The following DTNBP1 variants were observed in gnomAD, a reference collection of about 807,000 sequenced individuals.
DTNBP1 encodes dysbindin.
DTNBP1 carries 35 observed loss-of-function variants against 42.8 expected under a neutral mutation model. The observed-to-expected ratio is 0.82, with a 90% CI of 0.63 to 1.09. The LOEUF (loss-of-function observed/expected upper bound fraction) is 1.09. Ranked by LOEUF, DTNBP1 falls within the 50% of genes least tolerant of loss-of-function variation. The pLI is 0.00. For synonymous variants in DTNBP1, 171 were observed against 162.2 expected, an observed-to-expected ratio of 1.05 and a Z score of -0.41; for missense variants, 457 against 424.2, an observed-to-expected ratio of 1.08 and a Z score of -0.68.
intron 8 of DTNBP1, among the ~76,000 whole-genome samples, chr6:15,527,369 T>C (rs1772480418): frequency 2.0e-5 from 3 of 152,240 alleles, no homozygotes; most frequent in African/African-American, 4.8e-5. Flanking sequence ...CAATGAAATT[T>C]AGTTAGAAAT....
At chr6:15,524,190 G>A (rs1359725066) in intron 9 of DTNBP1, 24 of 1,476,970 alleles carry the variant, frequency 1.6e-5, no homozygotes, top group East Asian at 5.7e-5. Context: ...AGGAGAGTCC[G>A]CACCTCCCTG....
intron 5 of DTNBP1, 135 bp downstream of exon 5, chr6:15,627,208 T>G: frequency 1.7e-6 from 2 of 1,152,066 alleles, no homozygotes; most frequent in Non-Finnish European, 2.5e-6. Flanking sequence ...AATCAAAATA[T>G]GAAATCATGA....
At chr6:15,531,746 G>A (rs1415538493) in intron 8 of DTNBP1, among the ~76,000 whole-genome samples, 1 of 152,158 alleles carries the variant, frequency 6.6e-6, no homozygotes, top group Admixed American at 6.5e-5. Flanking sequence ...TGATTCTCCT[G>A]CCTCAGCCTC....
chr6:15,547,065 CCTA>C (rs1773922720), intron 7 of DTNBP1, among the ~76,000 whole-genome samples: 1 of 151,464 alleles, frequency 6.6e-6, no homozygotes, highest in Non-Finnish European at 1.5e-5. Context: ...ATGGAATTGG[CCTA>C]CTTATTAACA....
chr6:15,573,000 G>A (rs956957190), intron 7 of DTNBP1, among the ~76,000 whole-genome samples: 2 of 152,224 alleles, frequency 1.3e-5, no homozygotes, highest in Middle Eastern at 6.8e-3. Context: ...CAAACATATG[G>A]GGATTACAGG....
At chr6:15,525,096 G>A (rs1233425195) in intron 8 of DTNBP1, among the ~76,000 whole-genome samples, 2 of 152,234 alleles carry the variant, frequency 1.3e-5, no homozygotes, top group African/African-American at 4.8e-5. Context: ...CTAATTGCAA[G>A]TGGAGTTTCC....
At chr6:15,602,563 A>T (rs1776772405) in intron 6 of DTNBP1, among the ~76,000 whole-genome samples, 1 of 152,232 alleles carries the variant, frequency 6.6e-6, no homozygotes. Flanking sequence ...CATAAACTCC[A>T]ACACAACTAT....
intron 1 of DTNBP1, among the ~76,000 whole-genome samples, chr6:15,659,083 A>G (rs1379064899): frequency 1.3e-5 from 2 of 152,268 alleles, no homozygotes; most frequent in Non-Finnish European, 2.9e-5. Context: ...CCCTTAAAGA[A>G]CAATGGTCTT....
chr6:15,555,199 T>G (rs1471130794), intron 7 of DTNBP1, among the ~76,000 whole-genome samples: 1 of 150,126 alleles, frequency 6.7e-6, no homozygotes, highest in Non-Finnish European at 1.5e-5. Flanking sequence ...GCACACAAGA[T>G]AAAACACTTT....
chr6:15,601,802 G>A (rs985756971), intron 6 of DTNBP1, among the ~76,000 whole-genome samples: 2 of 149,074 alleles, frequency 1.3e-5, no homozygotes, highest in African/African-American at 2.5e-5. Context: ...CTGAGATCAC[G>A]CCATTGCACT....
intron 1 of DTNBP1, among the ~76,000 whole-genome samples, chr6:15,652,993 C>T (rs1761096420): frequency 6.6e-6 from 1 of 152,140 alleles, no homozygotes; most frequent in Non-Finnish European, 1.5e-5. Flanking sequence ...GATCAGACCA[C>T]AAAAACATAA....
chr6:15,588,649 C>G (rs1193146493), intron 7 of DTNBP1, among the ~76,000 whole-genome samples: 1 of 152,214 alleles, frequency 6.6e-6, no homozygotes, highest in Non-Finnish European at 1.5e-5. Flanking sequence ...ACCAGTTGTT[C>G]CTTGCCTCTC....
At chr6:15,529,896 GC>G (rs144846069) in intron 8 of DTNBP1, among the ~76,000 whole-genome samples, 5,540 of 152,334 alleles carry the variant, frequency 0.036, 242 homozygotes, top group East Asian at 0.21. Context: ...ATGTGGTGGG[GC>G]CCAGGCCCCC....
intron 3 of DTNBP1, among the ~76,000 whole-genome samples, chr6:15,644,962 A>C (rs1302941079): frequency 6.6e-6 from 1 of 152,028 alleles, no homozygotes; most frequent in African/African-American, 2.4e-5. Context: ...ACCAAAAAAA[A>C]ACCATACAAA....
chr6:15,621,461 TTAA>T (rs1759034419), intron 5 of DTNBP1, among the ~76,000 whole-genome samples: 1 of 152,198 alleles, frequency 6.6e-6, no homozygotes, highest in African/African-American at 2.4e-5. Context: ...CACTCTTTTG[TTAA>T]TAACGTGGGG....
At chr6:15,646,952 C>T (rs781726949) in intron 3 of DTNBP1, among the ~76,000 whole-genome samples, 2 of 151,772 alleles carry the variant, frequency 1.3e-5, no homozygotes, top group Non-Finnish European at 3.0e-5. Flanking sequence ...GGGCACTGGC[C>T]TAAGCAAATA....
chr6:15,624,682 C>T (rs1226019060), intron 5 of DTNBP1, among the ~76,000 whole-genome samples: 1 of 152,006 alleles, frequency 6.6e-6, no homozygotes, highest in Non-Finnish European at 1.5e-5. Flanking sequence ...TTAGGGGGAC[C>T]CTGTGACTAA....
At chr6:15,590,807 G>A (rs548977571) in intron 7 of DTNBP1, among the ~76,000 whole-genome samples, 1 of 152,232 alleles carries the variant, frequency 6.6e-6, no homozygotes, top group South Asian at 2.1e-4. Flanking sequence ...GTATTAGAAG[G>A]GAGAATCCAG....
intron 4 of DTNBP1, among the ~76,000 whole-genome samples, chr6:15,636,712 C>G (rs1760048228): frequency 6.6e-6 from 1 of 152,148 alleles, no homozygotes. Context: ...ATTCAGATCC[C>G]CACAGACAAA....
Sources: gnomAD v4.1 joint callset for allele counts (sites outside exome capture counted in the v4.1 genomes callset) on GRCh38, gnomAD v4.1.1 for gene constraint, MANE v1.5 for transcripts, NCBI Gene and HGNC (gene_info 2026-07-23, HGNC 2026-07-21) for gene names.